SLC12A3: variants seen among roughly 807,000 people sequenced by gnomAD.
SLC12A3 encodes Na-Cl cotransporter.
A neutral mutation model predicts 121.0 loss-of-function variants in SLC12A3; 104 were observed. The ratio of observed to expected loss-of-function variants is 0.86; its 90% CI spans 0.73 to 1.01. The LOEUF (loss-of-function observed/expected upper bound fraction) is 1.01. Ranked by LOEUF, SLC12A3 falls within the 50% of genes least tolerant of loss-of-function variation. SLC12A3 has a pLI of 0.00. For synonymous variants in SLC12A3, 536 were observed against 533.4 expected, an observed-to-expected ratio of 1.00 and a Z score of -0.07; for missense variants, 1,328 against 1,356.3, an observed-to-expected ratio of 0.98 and a Z score of 0.33.
Position 56,878,861 on chromosome 16 carries a change from G to A in SLC12A3, c.1181-212G>A, listed in dbSNP as rs148409380. ...CTCTGCGCCTCTGTAAAATGGCAAC[G>A]ACAACAAAAATAATAGTAATGCCTG... On this transcript the variant is annotated intron_variant, in intron 9 of 25. Transcript: ENST00000563236. 5.5e-4 allele frequency among the ~76,000 whole-genome samples: 83 copies of A among 152,264 alleles called. 1 individual carries two copies. Among genetic ancestry groups the A allele is most frequent in the African/African-American group, 1.9e-3 (77 of 41,548 alleles).
Position 56,877,820 on chromosome 16 carries a change from A to C in SLC12A3, c.1096-257A>C, listed in dbSNP as rs183506514. Among the ~76,000 whole-genome samples, 604 of 151,838 alleles carry C rather than the reference A, an allele frequency of 4.0e-3. 1 individual carries two copies. Among genetic ancestry groups the C allele is most frequent in the Non-Finnish European group, 7.4e-3 (502 of 67,922 alleles). On this transcript the variant is annotated intron_variant, in intron 8 of 25. Transcript: ENST00000563236. ...TTTCTTCTCTCTGCCTCCATTTCCCAGGGCCTTGGGTGGAGTCTCCGACCC... is the reference window on the plus strand; with the variant it reads ...TTTCTTCTCTCTGCCTCCATTTCCCCGGGCCTTGGGTGGAGTCTCCGACCC...
At chr16:56,870,503 G>A in intron 5 of SLC12A3, 123 bp from the exon 6 acceptor site, 2 of 794,066 alleles carry the variant, frequency 2.5e-6, no homozygotes, top group South Asian at 1.4e-5. Flanking sequence ...GGCAGGGGTG[G>A]TGCTTGAGTT....
At chr16:56,896,626 G>A (rs2055465749) in intron 22 of SLC12A3, among the ~76,000 whole-genome samples, 1 of 152,150 alleles carries the variant, frequency 6.6e-6, no homozygotes, top group African/African-American at 2.4e-5. Context: ...GGTGGCATGT[G>A]CCTGTAGTAC....
At chr16:56,903,514 A>C (rs1465866142) in intron 24 of SLC12A3, among the ~76,000 whole-genome samples, 1 of 152,180 alleles carries the variant, frequency 6.6e-6, no homozygotes, top group African/African-American at 2.4e-5. Context: ...GGCAGTGAGG[A>C]GAGACCTGCG....
intron 14 of SLC12A3, 44 bp from the exon 15 acceptor site, chr16:56,885,221 T>C (rs1178203334): frequency 1.1e-5 from 13 of 1,178,366 alleles, no homozygotes; most frequent in Admixed American, 7.9e-5. Flanking sequence ...CCTCTAGTGA[T>C]TCCTAACTCT....
chr16:56,879,266 G>A (rs1279593561), intron 10 of SLC12A3, 39 bp downstream of exon 10: 1 of 1,611,872 alleles, frequency 6.2e-7, no homozygotes, highest in African/African-American at 1.3e-5. Context: ...CACAGTGGGG[G>A]CTGGGTGGAG....
chr16:56,869,660 G>C lies in SLC12A3; in HGVS notation c.506-69G>C. The C allele has an allele frequency of 8.7e-6, 11 of 1,260,916 alleles. 1 individual carries two copies. In the South Asian group the frequency reaches 1.2e-4, roughly 14 times the overall value. The allele number at this position is 1,260,916 out of a possible 1,614,324, so 78.1% of individuals were successfully genotyped here. On this transcript the variant is annotated intron_variant, in intron 3 of 25. Transcript: ENST00000563236. ...GGGAGATGAACGTAGGTCGCATGGT[G>C]AATGAGTAGGCAAACTGGGGCTCCT...
rs547881361 is a variant in SLC12A3 at position 56,880,675 on chromosome 16, G to A, written c.1567+422G>A. 1.5e-4 allele frequency among the ~76,000 whole-genome samples: 23 copies of A among 152,232 alleles called. 1 individual carries two copies. The highest frequency in any genetic ancestry group is 2.9e-4 in the Non-Finnish European group (20 of 68,018). ...CAATGGCTGGTCAGTATCCTCATAG[G>A]TATATAAACTAGACAAACCTAGTTC... is the stretch of plus-strand genomic sequence containing the variant. On this transcript the variant is annotated intron_variant, in intron 12 of 25. Coordinates refer to ENST00000563236, the MANE Select transcript of SLC12A3 (RefSeq NM_001126108.2).
chr16:56,880,603 T>C (rs559410289), intron 12 of SLC12A3, among the ~76,000 whole-genome samples: 224 of 152,254 alleles, frequency 1.5e-3, no homozygotes, highest in Non-Finnish European at 1.4e-3. Flanking sequence ...CCAGAACACC[T>C]TTGGAGCATG....
At chr16:56,909,280 G>A (rs1293351531) in intron 25 of SLC12A3, among the ~76,000 whole-genome samples, 5 of 148,430 alleles carry the variant, frequency 3.4e-5, no homozygotes, top group Admixed American at 2.7e-4. Flanking sequence ...GCAACATAGT[G>A]AGACCCTGTC....
chr16:56,903,481 C>A (rs944047911), intron 24 of SLC12A3, among the ~76,000 whole-genome samples: 1 of 152,110 alleles, frequency 6.6e-6, no homozygotes, highest in Non-Finnish European at 1.5e-5. Context: ...TGTCACAACT[C>A]GGGGGTGGGG....
intron 12 of SLC12A3, among the ~76,000 whole-genome samples, chr16:56,881,384 G>A (rs1473244810): frequency 2.0e-5 from 3 of 152,110 alleles, no homozygotes; most frequent in African/African-American, 4.8e-5. Flanking sequence ...CCTGCTCACC[G>A]GGGCCCAGAA....
rs1242595944 is a variant in SLC12A3 at position 56,869,835 on chromosome 16, C to T, written c.601+11C>T. The stretch of plus-strand genomic sequence containing the variant: ...GCAAGGTCAAGTCAGGTGGGCCATC[C>T]CCCTTTCCACCAAGGCCCTCCTCTC... On this transcript the variant is annotated intron_variant, in intron 4 of 25. Coordinates refer to ENST00000563236, the MANE Select transcript of SLC12A3 (RefSeq NM_001126108.2). The T allele has an allele frequency of 1.9e-6, 3 of 1,610,410 alleles. No homozygotes were observed. Among genetic ancestry groups the T allele is most frequent in the Non-Finnish European group, 2.5e-6 (3 of 1,176,864 alleles).
intron 22 of SLC12A3, 76 bp from the exon 23 acceptor site, chr16:56,899,454 A>C: frequency 7.2e-6 from 8 of 1,115,828 alleles, no homozygotes; most frequent in East Asian, 2.4e-5. Flanking sequence ...GCACCACTGC[A>C]CTCCAGCCTG....
At chr16:56,900,823 G>A (rs371266372) in intron 23 of SLC12A3, among the ~76,000 whole-genome samples, 10 of 152,096 alleles carry the variant, frequency 6.6e-5, no homozygotes, top group Non-Finnish European at 1.0e-4. Context: ...GAGCCACTGC[G>A]CCCAGCCTAG....
rs1163395248 is a variant in SLC12A3 at position 56,893,032 on chromosome 16, C to T, written c.2499C>T (p.Ile833=). 1 of 1,614,152 alleles carries T rather than the reference C, an allele frequency of 6.2e-7. No individual in the cohort carries two copies. Among genetic ancestry groups the T allele is most frequent in the South Asian group, 1.1e-5 (1 of 91,086 alleles). Residue 833 remains isoleucine (I), a synonymous_variant, in exon 21 of 26, where the codon ATC becomes ATT. Transcript: ENST00000563236. ...AGCAGGGCAAGAAGACCATAGACAT[C>T]TACTGGCTCTTTGACGATGGAGGTC... is the stretch of plus-strand genomic sequence containing the variant. ...QSEQGKKTID[I]YWLFDDGGLT...
rs1348205723 is a variant in SLC12A3, at chr16:56,893,014, CAAG to C, written c.2486_2488del (p.Lys829del). The C allele has an allele frequency of 6.2e-7, 1 of 1,614,084 alleles. No homozygotes were observed. Among genetic ancestry groups the C allele is most frequent in the Non-Finnish European group, 8.5e-7 (1 of 1,180,024 alleles). ...CCACCATCTTCCAGTCGGAGCAGGG[CAAG>C]AAGACCATAGACATCTACTGGCTCT... On this transcript the variant is annotated inframe_deletion, in exon 21 of 26. Transcript: ENST00000563236.
At chr16:56,867,412 C>G (rs551518876) in intron 2 of SLC12A3, among the ~76,000 whole-genome samples, 196 bp downstream of exon 2, 4 of 152,264 alleles carry the variant, frequency 2.6e-5, no homozygotes, top group African/African-American at 9.6e-5. Context: ...ACTGTGTTTC[C>G]CTAAAAAGCC....
Position 56,899,599 on chromosome 16 carries a change from G to A in SLC12A3, c.2703G>A (p.Gln901=). 1 of 1,613,986 alleles carries A rather than the reference G, an allele frequency of 6.2e-7. No homozygotes were observed. The highest frequency in any genetic ancestry group is 8.5e-7 in the Non-Finnish European group (1 of 1,179,822). The change falls in exon 23 of 26, where the codon CAG becomes CAA. Residue 901 remains glutamine, a synonymous_variant. Transcript: ENST00000563236. ...TCCACATCCTCCCTGACATCAACCA[G>A]AACCCTCGGGCTGAGCAGTAAGTTC... ...HEVHILPDIN[Q]NPRAEHTKRF...
Sources: allele counts gnomAD v4.1 joint callset (sites outside exome capture counted in the v4.1 genomes callset), GRCh38; gene constraint gnomAD v4.1.1; transcripts MANE v1.5; gene names NCBI Gene and HGNC (gene_info 2026-07-23, HGNC 2026-07-21).